TTYH3: variants seen among roughly 807,000 people sequenced by gnomAD.
TTYH3 encodes the protein protein tweety homolog 3.
In TTYH3, 23 loss-of-function variants were observed where a neutral mutation model predicts 68.2. That is an observed-to-expected ratio of 0.34 (90% confidence interval 0.24 to 0.48). The LOEUF (loss-of-function observed/expected upper bound fraction) is 0.48. TTYH3 is among the 20% of genes least tolerant of loss of function. The pLI is 0.99. For synonymous variants in TTYH3, 360 were observed against 332.8 expected (o/e 1.08, Z -0.89); for missense variants, 768 against 727.7 (o/e 1.06, Z -0.64).
Position 2,662,073 on chromosome 7 carries a change from C to T in TTYH3, c.*334C>T. On this transcript the variant is annotated 3_prime_UTR_variant, in exon 14 of 14. Transcript: ENST00000258796. The stretch of plus-strand genomic sequence containing the variant: ...CGCACCCAACCTGTGTTGTTGCCGC[C>T]CGGCCCTTCCCTCCACAGCTCTCCT... The T allele has an allele frequency of 2.0e-6, 1 of 508,570 alleles. No individual in the cohort carries two copies. The highest frequency in any genetic ancestry group is 3.6e-6 in the Non-Finnish European group (1 of 279,712). The allele number at this position is 508,570 out of a possible 1,614,324, so 31.5% of individuals were successfully genotyped here. A position where few individuals can be genotyped will look rare whatever the true frequency, so the allele number is the denominator to read the frequency against.
At chr7:2,654,262 A>G (rs1362024013) in intron 9 of TTYH3, among the ~76,000 whole-genome samples, 1 of 151,914 alleles carries the variant, frequency 6.6e-6, no homozygotes, top group Non-Finnish European at 1.5e-5. Context: ...AGGTGTGGCA[A>G]AGCATGCCTG....
At chr7:2,632,788 G>A (rs1373539937) in intron 1 of TTYH3, among the ~76,000 whole-genome samples, 4 of 152,384 alleles carry the variant, frequency 2.6e-5, no homozygotes, top group East Asian at 3.9e-4. Flanking sequence ...CCCGACTGGG[G>A]AATCCCACTG....
At chr7:2,660,088 TC>T in intron 13 of TTYH3, 1 of 1,282,232 alleles carries the variant, frequency 7.8e-7, no homozygotes. Context: ...CGCCTGCGCC[TC>T]CCGCCTCCAC....
At chr7:2,640,676 G>A (rs1431454157) in intron 1 of TTYH3, among the ~76,000 whole-genome samples, 2 of 152,258 alleles carry the variant, frequency 1.3e-5, no homozygotes, top group African/African-American at 4.8e-5. Context: ...CTGTGTGGCT[G>A]ATGGGAGTCA....
chr7:2,658,606 C>G, intron 12 of TTYH3, 147 bp downstream of exon 12: 2 of 983,654 alleles, frequency 2.0e-6, no homozygotes, highest in Non-Finnish European at 3.0e-6. Context: ...CCTCCTGCCC[C>G]AGGTGAACAC....
At position 2,659,126 on chromosome 7, in the gene TTYH3, G is replaced by T. The variant is rs560222113; in HGVS notation, c.1500+111G>T. On this transcript the variant is annotated intron_variant, in intron 13 of 13. Transcript: ENST00000258796. ...TGTGCAGCCAGTGTGAGCTCTGGGGGCAGCTGTGAGCTGCCACCACCGGGG... is the reference window on the plus strand; with the variant it reads ...TGTGCAGCCAGTGTGAGCTCTGGGGTCAGCTGTGAGCTGCCACCACCGGGG... 3.2e-5 allele frequency: 35 copies of T among 1,083,472 alleles called. No homozygotes were observed. In the South Asian group the frequency reaches 4.8e-4, roughly 15 times the overall value. The allele number at this position is 1,083,472 out of a possible 1,614,324, so 67.1% of individuals were successfully genotyped here. A position where few individuals can be genotyped will look rare whatever the true frequency, so the allele number is the denominator to read the frequency against.
Position 2,649,637 on chromosome 7 carries a change from G to A in TTYH3, c.793G>A (p.Val265Met), listed in dbSNP as rs1384705562. 5.0e-6 allele frequency: 8 copies of A among 1,598,106 alleles called. No homozygotes were observed. Among genetic ancestry groups the A allele is most frequent in the Non-Finnish European group, 5.1e-6 (6 of 1,176,706 alleles). ...GCTGGGCTTGGAGCTGGCTGTGTCC[G>A]TGGTGAGTGGCAGAGGGGGTGAGGT... ...GALGLELAVSVGSSDFCVDPD... is the reference protein window; with the variant it reads ...GALGLELAVSMGSSDFCVDPD... Residue 265 changes from valine to methionine, a missense_variant and splice_region_variant, in exon 6 of 14, where the codon GTG becomes ATG. By Grantham distance (21) the Val-to-Met change is conservative. Coordinates refer to ENST00000258796, the MANE Select transcript of TTYH3 (RefSeq NM_025250.3).
chr7:2,654,404 TTC>T (rs1010932415), intron 9 of TTYH3, among the ~76,000 whole-genome samples: 3 of 151,978 alleles, frequency 2.0e-5, no homozygotes, highest in African/African-American at 7.3e-5. Flanking sequence ...CTCTCTCTCT[TTC>T]TCTCTGTATG....
intron 1 of TTYH3, among the ~76,000 whole-genome samples, chr7:2,642,408 G>A (rs1055445440): frequency 2.0e-5 from 3 of 151,976 alleles, no homozygotes; most frequent in African/African-American, 7.2e-5. Flanking sequence ...CAAGTGTGTT[G>A]GTGCATGCCT....
At chr7:2,659,068 G>A (rs1173746080) in intron 13 of TTYH3, 53 bp downstream of exon 13, 36 of 1,556,282 alleles carry the variant, frequency 2.3e-5, no homozygotes, top group East Asian at 6.8e-5. Flanking sequence ...TTGGGGGTCC[G>A]CTGTTCCACT....
rs573323006 is a variant in TTYH3, at chr7:2,663,168, C to T, written c.*1429C>T. ...CCCAGCCAGCCCAGCCCTCGAGGCT[C>T]GATGCCTGTGCCAAGGCCAGGGGCA... On this transcript the variant is annotated 3_prime_UTR_variant, in exon 14 of 14. Transcript: ENST00000258796. 6.6e-5 allele frequency: 10 copies of T among 152,554 alleles called. No homozygotes were observed. Among genetic ancestry groups the T allele is most frequent in the African/African-American group, 2.4e-4 (10 of 41,580 alleles). 9.5% of individuals were successfully genotyped at this position (152,554 alleles called of 1,614,324 possible). A position where few individuals can be genotyped will look rare whatever the true frequency, so the allele number is the denominator to read the frequency against.
intron 9 of TTYH3, among the ~76,000 whole-genome samples, chr7:2,654,769 C>G (rs1786287059): frequency 6.6e-6 from 1 of 152,142 alleles, no homozygotes; most frequent in Admixed American, 6.5e-5. Context: ...TCTTGATCTC[C>G]TCTTCTTTTT....
intron 9 of TTYH3, among the ~76,000 whole-genome samples, chr7:2,653,300 T>C (rs998189735): frequency 3.3e-5 from 5 of 152,232 alleles, no homozygotes; most frequent in Admixed American, 2.0e-4. Flanking sequence ...CTTGCTATGT[T>C]GCCCAGGTGG....
chr7:2,651,094 C>T (rs1481000901), intron 7 of TTYH3, among the ~76,000 whole-genome samples: 5 of 151,960 alleles, frequency 3.3e-5, no homozygotes, highest in East Asian at 1.9e-4. Flanking sequence ...GTGTGTCGGA[C>T]GGCACAGAGG....
intron 9 of TTYH3, among the ~76,000 whole-genome samples, chr7:2,654,287 C>T (rs551009547): frequency 9.8e-4 from 149 of 151,738 alleles, no homozygotes; most frequent in Middle Eastern, 3.5e-3. Flanking sequence ...CCCAGCTGCA[C>T]AGGAGGCTGA....
At position 2,632,135 on chromosome 7, in the gene TTYH3, CG is replaced by C; in HGVS notation, c.-19del. 1 of 1,385,672 alleles carries C rather than the reference CG, an allele frequency of 7.2e-7. No individual in the cohort carries two copies. Among genetic ancestry groups the C allele is most frequent in the Non-Finnish European group, 9.4e-7 (1 of 1,059,806 alleles). 85.8% of individuals were successfully genotyped at this position (1,385,672 alleles called of 1,614,324 possible). On this transcript the variant is annotated 5_prime_UTR_variant, in exon 1 of 14. Transcript: ENST00000258796. ...GAGCCCCGCGCAGGCCGCGCGCATC[CG>C]GAGGCGGCCGGGCCCCGCCATGGCC...
rs2115002789 is a variant in TTYH3 at position 2,662,746 on chromosome 7, A to G, written c.*1007A>G. 1 of 152,842 alleles carries G rather than the reference A, an allele frequency of 6.5e-6. No homozygotes were observed. The highest frequency in any genetic ancestry group is 2.4e-5 in the African/African-American group (1 of 41,540). The allele number at this position is 152,842 out of a possible 1,614,324, so 9.5% of individuals were successfully genotyped here. A position where few individuals can be genotyped will look rare whatever the true frequency, so the allele number is the denominator to read the frequency against. On this transcript the variant is annotated 3_prime_UTR_variant, in exon 14 of 14. Coordinates refer to ENST00000258796, the MANE Select transcript of TTYH3 (RefSeq NM_025250.3). ...GGACTAACCACTAACCTCACCCCCA[A>G]ACTCCACGGGTGCCCCTAGCTGGCC...
intron 1 of TTYH3, among the ~76,000 whole-genome samples, chr7:2,636,653 G>A (rs545487093): frequency 2.0e-5 from 3 of 152,182 alleles, no homozygotes; most frequent in African/African-American, 2.4e-5. Context: ...CCTGCATTGG[G>A]GGGTGGAGGT....
rs1161357601 is a variant in TTYH3, at chr7:2,656,445, C to T, written c.1161C>T (p.Gly387=). 2 of 1,611,664 alleles carry T rather than the reference C, an allele frequency of 1.2e-6. No individual in the cohort carries two copies. Among genetic ancestry groups the T allele is most frequent in the Admixed American group, 1.7e-5 (1 of 59,988 alleles). ...GCTTCTGCTATGACGGCGTGGAGGG[C>T]CTCATCTACCTGGCCCTCTTCTCCT... The part of the protein sequence containing the change: ...LTGFCYDGVE[G]LIYLALFSFV... Residue 387 remains glycine, a synonymous_variant, in exon 11 of 14, where the codon GGC becomes GGT. Transcript: ENST00000258796.
Sources: allele counts gnomAD v4.1 joint callset (sites outside exome capture counted in the v4.1 genomes callset), GRCh38; gene constraint gnomAD v4.1.1; transcripts MANE v1.5; gene names NCBI Gene and HGNC (gene_info 2026-07-23, HGNC 2026-07-21).